The following RORA variants were observed in gnomAD, a reference collection of about 807,000 sequenced individuals.
RORA encodes the protein nuclear receptor ROR-alpha.
In RORA, 7 loss-of-function variants were observed where a neutral mutation model predicts 69.5. The observed-to-expected ratio is 0.10, with a 90% CI of 0.06 to 0.19. The LOEUF is 0.19. Among genes scored for constraint, RORA ranks in the 10% least tolerant of loss-of-function variants. RORA has a pLI of 1.00. For missense variants in RORA, 457 were observed against 663.0 expected (o/e 0.69, Z 3.41); for synonymous variants, 261 against 240.8 (o/e 1.08, Z -0.78).
intron 1 of RORA, among the ~76,000 whole-genome samples, chr15:60,753,919 C>G (rs748075488): frequency 9.2e-5 from 14 of 152,206 alleles, no homozygotes; most frequent in Non-Finnish European, 1.9e-4. Flanking sequence ...ACATGTGGAG[C>G]AAGTATTATT....
intron 1 of RORA, among the ~76,000 whole-genome samples, chr15:61,227,423 C>A (rs2080157255): frequency 6.6e-6 from 1 of 152,086 alleles, no homozygotes; most frequent in Non-Finnish European, 1.5e-5. Flanking sequence ...TCCCAGCCCT[C>A]GCCGCCCCCC....
rs189829754 is a variant in RORA at position 61,063,732 on chromosome 15, T to C, written c.166+165321A>G. On this transcript the variant is annotated intron_variant, in intron 1 of 10. Coordinates refer to ENST00000335670, the MANE Select transcript of RORA (RefSeq NM_134261.3). Reference sequence around the variant, plus strand: ...AGTATTTAGAGTGCTTCCTGGCACATGTGTGTGGTCAATATTAACTATTGT... The same window carrying C: ...AGTATTTAGAGTGCTTCCTGGCACACGTGTGTGGTCAATATTAACTATTGT... 2.0e-4 allele frequency among the ~76,000 whole-genome samples: 31 copies of C among 152,334 alleles called. No individual in the cohort carries two copies. In the East Asian group the frequency reaches 4.2e-3, roughly 21 times the overall value.
At chr15:60,830,044 TTG>T (rs1483712070) in intron 1 of RORA, among the ~76,000 whole-genome samples, 1 of 152,208 alleles carries the variant, frequency 6.6e-6, no homozygotes, top group Admixed American at 6.5e-5. Flanking sequence ...GCACATGACT[TTG>T]TGTTAGAACT....
chr15:61,089,489 T>C (rs2140700634), intron 1 of RORA, among the ~76,000 whole-genome samples: 1 of 152,322 alleles, frequency 6.6e-6, no homozygotes, highest in South Asian at 2.1e-4. Context: ...GAGACCTGCA[T>C]GGCTGAGACC....
chr15:61,060,004 G>GAAA, intron 1 of RORA, among the ~76,000 whole-genome samples: 1 of 127,150 alleles, frequency 7.9e-6, no homozygotes, highest in East Asian at 3.4e-4. Context: ...AGAAGAAGAA[G>GAAA]AAGAAGAAGA....
At chr15:60,548,707 G>C (rs530918218) in intron 2 of RORA, among the ~76,000 whole-genome samples, 1 of 152,006 alleles carries the variant, frequency 6.6e-6, no homozygotes, top group Non-Finnish European at 1.5e-5. Flanking sequence ...GCGCGATCTC[G>C]GCTCACTGCA....
intron 1 of RORA, among the ~76,000 whole-genome samples, chr15:60,799,568 CT>C (rs1162353761): frequency 6.6e-6 from 1 of 152,150 alleles, no homozygotes; most frequent in Admixed American, 6.5e-5. Flanking sequence ...AATTTATAAA[CT>C]GCATTGGTCC....
At chr15:61,197,128 AG>A (rs1483095147) in intron 1 of RORA, among the ~76,000 whole-genome samples, 1 of 152,256 alleles carries the variant, frequency 6.6e-6, no homozygotes, top group Non-Finnish European at 1.5e-5. Flanking sequence ...CCCGGGCCTT[AG>A]CCCCCTGTAA....
intron 1 of RORA, among the ~76,000 whole-genome samples, chr15:60,933,947 C>T (rs1892444322): frequency 6.6e-6 from 1 of 152,204 alleles, no homozygotes; most frequent in Admixed American, 6.5e-5. Context: ...AGGCTGGGCT[C>T]CCTCATTTCT....
intron 1 of RORA, among the ~76,000 whole-genome samples, chr15:60,847,536 G>A (rs892042060): frequency 2.0e-5 from 3 of 151,942 alleles, no homozygotes; most frequent in Non-Finnish European, 4.4e-5. Context: ...CTTTGCACTG[G>A]ATTCTGAGAA....
At chr15:60,839,972 G>A (rs1359760964) in intron 1 of RORA, among the ~76,000 whole-genome samples, 1 of 152,188 alleles carries the variant, frequency 6.6e-6, no homozygotes, top group Non-Finnish European at 1.5e-5. Context: ...GCCGAGACTG[G>A]AGGAGGAAGT....
intron 2 of RORA, chr15:60,592,485 C>T (rs1454623156): frequency 3.7e-6 from 5 of 1,341,602 alleles, no homozygotes; most frequent in Non-Finnish European, 4.8e-6. Context: ...CTGCCGCCGC[C>T]GCGCCGCCGC....
At chr15:60,510,952 C>T (rs1165565524) in intron 5 of RORA, among the ~76,000 whole-genome samples, 1 of 152,078 alleles carries the variant, frequency 6.6e-6, no homozygotes, top group African/African-American at 2.4e-5. Flanking sequence ...TTAATGTAGC[C>T]ATTTCCTGAA....
At chr15:60,850,049 G>A (rs2073307314) in intron 1 of RORA, among the ~76,000 whole-genome samples, 1 of 152,132 alleles carries the variant, frequency 6.6e-6, no homozygotes, top group Non-Finnish European at 1.5e-5. Context: ...CCAGCCCTGT[G>A]GTCATTTTAA....
Position 60,998,253 on chromosome 15 carries a change from T to C in RORA, c.166+230800A>G, listed in dbSNP as rs1429328660. 2.6e-5 allele frequency among the ~76,000 whole-genome samples: 4 copies of C among 152,090 alleles called. No homozygotes were observed. The East Asian group carries it at 7.7e-4, about 29-fold the overall frequency. On this transcript the variant is annotated intron_variant, in intron 1 of 10. Transcript: ENST00000335670. ...ATCACAGCTCACTGTAGCCTCAAAC[T>C]CCTGGACTCAGGTGATCCTCCCACC... is the stretch of plus-strand genomic sequence containing the variant.
intron 1 of RORA, among the ~76,000 whole-genome samples, chr15:60,977,470 C>T (rs1893909822): frequency 6.6e-6 from 1 of 151,678 alleles, no homozygotes; most frequent in Non-Finnish European, 1.5e-5. Context: ...TAATGAGATA[C>T]CATTCGATAA....
intron 1 of RORA, among the ~76,000 whole-genome samples, chr15:61,192,041 G>A (rs144032598): frequency 5.3e-5 from 8 of 152,296 alleles, no homozygotes; most frequent in East Asian, 1.9e-4. Flanking sequence ...GATTTTAGGC[G>A]GTAGCTCTCC....
At chr15:60,560,921 C>T (rs575144498) in intron 2 of RORA, among the ~76,000 whole-genome samples, 3 of 152,198 alleles carry the variant, frequency 2.0e-5, no homozygotes, top group Non-Finnish European at 4.4e-5. Flanking sequence ...ATATTGTCTT[C>T]ACTGCAGAGA....
intron 1 of RORA, among the ~76,000 whole-genome samples, chr15:61,183,660 C>G (rs960833826): frequency 6.6e-6 from 1 of 152,022 alleles, no homozygotes; most frequent in African/African-American, 2.4e-5. Flanking sequence ...AAGCAGTTTG[C>G]ACTAGTTCTT....
Sources: gnomAD v4.1 joint callset for allele counts (sites outside exome capture counted in the v4.1 genomes callset) on GRCh38, gnomAD v4.1.1 for gene constraint, MANE v1.5 for transcripts, NCBI Gene and HGNC (gene_info 2026-07-23, HGNC 2026-07-21) for gene names.